CDC14B: variants seen among roughly 807,000 people sequenced by gnomAD.
CDC14B encodes dual specificity protein phosphatase CDC14B.
A neutral mutation model predicts 64.2 loss-of-function variants in CDC14B; 22 were observed. That is an observed-to-expected ratio of 0.34 (90% CI 0.24 to 0.49). CDC14B has a LOEUF of 0.49. CDC14B is among the 20% of genes least tolerant of loss of function. The pLI, the probability that CDC14B is intolerant of heterozygous loss-of-function variation, is 0.99. For synonymous variants in CDC14B, 191 were observed against 215.8 expected (o/e 0.89, Z 1.01); for missense variants, 498 against 629.9 (o/e 0.79, Z 2.24).
At chr9:96,567,344 G>A (rs114301279) in intron 1 of CDC14B, 7,958 of 153,092 alleles carry the variant, frequency 0.052, 705 homozygotes, top group African/African-American at 0.18. Context: ...CCTGCTGCCA[G>A]GAGGTGCTGC....
At chr9:96,533,609 A>G (rs1838832333) in intron 9 of CDC14B, among the ~76,000 whole-genome samples, 2 of 152,232 alleles carry the variant, frequency 1.3e-5, no homozygotes, top group African/African-American at 4.8e-5. Flanking sequence ...CTGAAAACAG[A>G]GCAACTTGTT....
chr9:96,618,413 A>G (rs1847771402), intron 1 of CDC14B: 2 of 507,308 alleles, frequency 3.9e-6, no homozygotes, highest in Non-Finnish European at 8.1e-6. Context: ...CAAACCTAAC[A>G]GCTGCCAAAT....
At chr9:96,558,001 T>C (rs377686811) in intron 4 of CDC14B, among the ~76,000 whole-genome samples, 47 of 152,320 alleles carry the variant, frequency 3.1e-4, no homozygotes, top group African/African-American at 1.1e-3. Flanking sequence ...ATGAATACCA[T>C]GTATCTTCAG....
chr9:96,534,594 C>T, intron 7 of CDC14B, 52 bp from the exon 8 acceptor site: 1 of 1,188,832 alleles, frequency 8.4e-7, no homozygotes, highest in South Asian at 1.2e-5. Flanking sequence ...CTCCCCACAA[C>T]CTCTCTACTC....
At position 96,531,580 on chromosome 9, in the gene CDC14B, A is replaced by C. The variant is rs537392696; in HGVS notation, c.946+2347T>G. On this transcript the variant is annotated intron_variant, in intron 9 of 13. Coordinates refer to ENST00000375241, the MANE Select transcript of CDC14B (RefSeq NM_033331.4). Reference sequence around the variant, plus strand: ...TTTTTGTTATTCTTCTTAAAGAACCAACCCTTGGTTTTGTTCATTTTCTCT... The same window carrying C: ...TTTTTGTTATTCTTCTTAAAGAACCCACCCTTGGTTTTGTTCATTTTCTCT... Among the ~76,000 whole-genome samples, 56 of 152,180 alleles carry C rather than the reference A, an allele frequency of 3.7e-4. 1 individual carries two copies. In the South Asian group the frequency reaches 0.011, roughly 31 times the overall value.
At chr9:96,583,331 C>T (rs986665132) in intron 1 of CDC14B, among the ~76,000 whole-genome samples, 2 of 150,706 alleles carry the variant, frequency 1.3e-5, no homozygotes, top group African/African-American at 4.9e-5. Context: ...AGTCTGGATG[C>T]GTAAACCGGC....
chr9:96,524,183 G>A (rs1311197935), intron 9 of CDC14B, among the ~76,000 whole-genome samples: 3 of 152,180 alleles, frequency 2.0e-5, no homozygotes, highest in East Asian at 1.9e-4. Context: ...CAGGTGATCC[G>A]CCTGCCTTGG....
At position 96,589,716 on chromosome 9, in the gene CDC14B, T is replaced by C. The variant is rs552059744; in HGVS notation, c.161-24233A>G. Reference sequence around the variant, plus strand: ...GCTCACACCTGTAATCACAGCACTTTGGGAGACCCAGGCAGGTGGATCATG... The same window carrying C: ...GCTCACACCTGTAATCACAGCACTTCGGGAGACCCAGGCAGGTGGATCATG... On this transcript the variant is annotated intron_variant, in intron 1 of 13. Coordinates refer to ENST00000375241, the MANE Select transcript of CDC14B (RefSeq NM_033331.4). Among the ~76,000 whole-genome samples, 5 of 152,252 alleles carry C rather than the reference T, an allele frequency of 3.3e-5. No homozygotes were observed. The East Asian group carries it at 7.7e-4, about 24-fold the overall frequency.
At chr9:96,552,675 GA>G (rs1841982123) in intron 4 of CDC14B, among the ~76,000 whole-genome samples, 1 of 152,042 alleles carries the variant, frequency 6.6e-6, no homozygotes, top group South Asian at 2.1e-4. Context: ...GTTTGTTCTA[GA>G]AATCTGCAGT....
intron 2 of CDC14B, among the ~76,000 whole-genome samples, chr9:96,565,068 C>T (rs186882697): frequency 6.6e-6 from 1 of 152,282 alleles, no homozygotes; most frequent in East Asian, 1.9e-4. Flanking sequence ...CTACATGTAA[C>T]CTCAATGAAC....
chr9:96,496,738 C>G (rs1273248196), downstream of CDC14B, among the ~76,000 whole-genome samples: 1 of 152,252 alleles, frequency 6.6e-6, no homozygotes. Flanking sequence ...CGGACCCGCT[C>G]CCGGGGAGCC....
intron 4 of CDC14B, among the ~76,000 whole-genome samples, chr9:96,560,280 A>G (rs981696836): frequency 1.3e-5 from 2 of 152,188 alleles, no homozygotes; most frequent in Non-Finnish European, 1.5e-5. Context: ...ACTCTCTCCT[A>G]GATGGAACTT....
At chr9:96,592,984 T>C (rs1845870983) in intron 1 of CDC14B, among the ~76,000 whole-genome samples, 1 of 152,130 alleles carries the variant, frequency 6.6e-6, no homozygotes, top group South Asian at 2.1e-4. Context: ...TTTCTAAACA[T>C]TGAGGAGTCA....
chr9:96,568,784 G>C (rs960498498), intron 1 of CDC14B, among the ~76,000 whole-genome samples: 1 of 152,138 alleles, frequency 6.6e-6, no homozygotes, highest in African/African-American at 2.4e-5. Flanking sequence ...AGTCGTGGTG[G>C]TGCATGCCTG....
chr9:96,610,852 C>G (rs569963527), intron 1 of CDC14B, among the ~76,000 whole-genome samples: 1 of 152,116 alleles, frequency 6.6e-6, no homozygotes, highest in South Asian at 2.1e-4. Context: ...ATCACAGAAA[C>G]CAACAAAACC....
intron 12 of CDC14B, among the ~76,000 whole-genome samples, chr9:96,510,464 T>C: frequency 6.6e-6 from 1 of 151,594 alleles, no homozygotes; most frequent in Non-Finnish European, 1.5e-5. Context: ...AAGCACACGA[T>C]GAATCAGAAA....
intron 12 of CDC14B, among the ~76,000 whole-genome samples, chr9:96,516,846 C>T (rs1055442648): frequency 2.0e-5 from 3 of 151,882 alleles, no homozygotes; most frequent in African/African-American, 7.3e-5. Flanking sequence ...GGCTGGAGTG[C>T]AGTGGTGTGA....
Position 96,522,527 on chromosome 9 carries a change from T to C in CDC14B, c.1322A>G (p.Lys441Arg), listed in dbSNP as rs1205121032. ...LRALKSRRQS[K>R]TNAIPLTVIL... ...TCACGTGAGAGGAATAGCGTTTGTT[T>C]TGGATTGTCTTCTGCTTTTCAAGGC... Residue 441 changes from lysine to arginine, a missense_variant, in exon 12 of 14, where the codon AAA becomes AGA. By Grantham distance (26) the Lys-to-Arg change is conservative. Coordinates refer to ENST00000375241, the MANE Select transcript of CDC14B (RefSeq NM_033331.4). The C allele has an allele frequency of 6.2e-7, 1 of 1,612,772 alleles. No individual in the cohort carries two copies. Among genetic ancestry groups the C allele is most frequent in the Admixed American group, 1.7e-5 (1 of 60,030 alleles).
intron 6 of CDC14B, 46 bp from the exon 7 acceptor site, chr9:96,539,186 A>C: frequency 7.5e-7 from 1 of 1,330,854 alleles, no homozygotes; most frequent in African/African-American, 1.5e-5. Context: ...GCAAATAAGA[A>C]AACAGTTTCC....
Sources: allele counts gnomAD v4.1 joint callset (sites outside exome capture counted in the v4.1 genomes callset), GRCh38; gene constraint gnomAD v4.1.1; transcripts MANE v1.5; gene names NCBI Gene and HGNC (gene_info 2026-07-23, HGNC 2026-07-21).